Variants in XPC observed in about 807,000 individuals in gnomAD.
XPC encodes DNA repair protein complementing XP-C cells.
A neutral mutation model predicts 95.8 loss-of-function variants in XPC; 76 were observed. The observed-to-expected ratio is 0.79, with a 90% CI of 0.66 to 0.96. The LOEUF is 0.96. Ranked by LOEUF, XPC falls within the 40% of genes least tolerant of loss-of-function variation. The pLI, the probability that XPC is intolerant of heterozygous loss-of-function variation, is 0.00. For missense variants in XPC, 1,146 were observed against 1,179.8 expected (o/e 0.97, Z 0.42); for synonymous variants, 442 against 442.1 (o/e 1.00, Z 0.00).
chr3:14,163,468 A>G (rs1323162594), intron 7 of XPC, among the ~76,000 whole-genome samples: 1 of 152,244 alleles, frequency 6.6e-6, no homozygotes, highest in East Asian at 1.9e-4. Context: ...TGAATCTTGA[A>G]AACATTATAC....
chr3:14,145,684 G>C lies in XPC; in HGVS notation c.*257C>G. The C allele has an allele frequency of 1.4e-6, 1 of 699,562 alleles. No homozygotes were observed. The highest frequency in any genetic ancestry group is 2.6e-6 in the Non-Finnish European group (1 of 384,980). 43.3% of individuals were successfully genotyped at this position (699,562 alleles called of 1,614,324 possible). Reference sequence around the variant, plus strand: ...AGCAAAGTGTTCTGTAGCTCAAAGGGTGAGTGGGCTTTGGTAGCAAAAAGC... The same window carrying C: ...AGCAAAGTGTTCTGTAGCTCAAAGGCTGAGTGGGCTTTGGTAGCAAAAAGC... On this transcript the variant is annotated 3_prime_UTR_variant, in exon 16 of 16. Transcript: ENST00000285021.
intron 6 of XPC, among the ~76,000 whole-genome samples, chr3:14,165,218 T>C (rs1696327082): frequency 6.6e-6 from 1 of 152,126 alleles, no homozygotes; most frequent in Non-Finnish European, 1.5e-5. Flanking sequence ...CATCCTGTAA[T>C]TACCTGGTAT....
rs777782600 is a variant in XPC at position 14,156,470 on chromosome 3, G to C, written c.1898C>G (p.Pro633Arg). The part of the protein sequence containing the change: ...LEFQAKHMDQ[P>R]LPTAIGLYKN... ...ATATAAGCCAATGGCAGTGGGCAAA[G>C]GCTGGTCCATGTGTTTAGCCTGAAA... is the stretch of plus-strand genomic sequence containing the variant. The change falls in exon 10 of 16, where the codon CCT becomes CGT. Residue 633 changes from proline (P) to arginine (R), a missense_variant. By Grantham distance (103) the Pro-to-Arg change is moderately radical. Coordinates refer to ENST00000285021, the MANE Select transcript of XPC (RefSeq NM_004628.5). 6.2e-7 allele frequency: 1 copy of C among 1,614,030 alleles called. No homozygotes were observed. Among genetic ancestry groups the C allele is most frequent in the Non-Finnish European group, 8.5e-7 (1 of 1,179,878 alleles).
intron 2 of XPC, 170 bp from the exon 3 acceptor site, chr3:14,170,720 A>T: frequency 7.9e-6 from 4 of 505,596 alleles, no homozygotes; most frequent in Non-Finnish European, 1.4e-5. Flanking sequence ...ATGTGTTCCA[A>T]ATCTCATCAA....
At chr3:14,156,194 C>T (rs944300861) in intron 10 of XPC, 141 bp downstream of exon 10, 2 of 1,061,708 alleles carry the variant, frequency 1.9e-6, no homozygotes, top group Non-Finnish European at 2.7e-6. Context: ...ACATCACACA[C>T]ACACAGCACA....
chr3:14,158,892 C>A lies in XPC; in HGVS notation c.991G>T (p.Gly331Ter). 2 of 1,613,848 alleles carry A rather than the reference C, an allele frequency of 1.2e-6. No homozygotes were observed. The highest frequency in any genetic ancestry group is 1.7e-6 in the Non-Finnish European group (2 of 1,179,880). The change falls in exon 9 of 16, where the codon GGA becomes TGA. Residue 331 changes from glycine (G) to a stop codon, truncating the protein, a stop_gained and splice_region_variant. Coordinates refer to ENST00000285021, the MANE Select transcript of XPC (RefSeq NM_004628.5). LOFTEE classifies it high-confidence loss of function. This position sits in a 1 kb window ranked among gnomAD's most constrained non-coding sequence, Gnocchi z 5.2. ...PIPLKSATAKGKKPSKERLTA... is the reference protein window; with the variant it reads ...PIPLKSATAK ...AATCTTTCCTTGGAAGGTTTCTTTC[C>A]CTTAAACAGAATAAGAAATTTTGCT...
intron 15 of XPC, 147 bp from the exon 16 acceptor site, chr3:14,146,306 C>G: frequency 1.4e-6 from 1 of 738,796 alleles, no homozygotes; most frequent in Non-Finnish European, 2.2e-6. Flanking sequence ...AGGGAGAGAG[C>G]CCAGACCCTT....
At chr3:14,173,188 C>T (rs973531558) in intron 1 of XPC, 126 bp from the exon 2 acceptor site, 3 of 908,156 alleles carry the variant, frequency 3.3e-6, no homozygotes, top group Non-Finnish European at 4.7e-6. Context: ...ACTGGTTCAC[C>T]ATCCCCTGTC....
At chr3:14,167,909 T>C (rs1696449733) in intron 4 of XPC, among the ~76,000 whole-genome samples, 1 of 152,146 alleles carries the variant, frequency 6.6e-6, no homozygotes, top group South Asian at 2.1e-4. Flanking sequence ...AAGGATTAGG[T>C]CTCAGCTCTT....
rs762726340 is a variant in XPC, at chr3:14,158,751, T to C, written c.1132A>G (p.Arg378Gly). 1.2e-6 allele frequency: 2 copies of C among 1,613,956 alleles called. No individual in the cohort carries two copies. Among genetic ancestry groups the C allele is most frequent in the Non-Finnish European group, 1.7e-6 (2 of 1,179,888 alleles). The change falls in exon 9 of 16, where the codon AGG (arginine) becomes GGG (glycine). Residue 378 changes from arginine to glycine, a missense_variant. Physicochemically the swap from Arg to Gly is moderately radical, Grantham distance 125 (BLOSUM62 -2). Coordinates refer to ENST00000285021, the MANE Select transcript of XPC (RefSeq NM_004628.5). The surrounding 1 kb of genome is among the most constrained non-coding windows in gnomAD (Gnocchi z 5.2). ...TTCCTCTTCCCTTTGGCACTTGGCC[T>C]GCAGGTGCCCTTAGCAAAGGTTTCC... ...QEETFAKGTCRPSAKGKRNKG... is the reference protein window; with the variant it reads ...QEETFAKGTCGPSAKGKRNKG...
In XPC at chr3:14,147,562, A is replaced by G. The variant is rs2125007554; in HGVS notation, c.2515-183T>C. The G allele has an allele frequency of 1.1e-5, 7 of 645,422 alleles. No individual in the cohort carries two copies. In the South Asian group the frequency reaches 1.2e-4, roughly 11 times the overall value. 40.0% of individuals were successfully genotyped at this position (645,422 alleles called of 1,614,324 possible). ...TTTACAAAGTGATATACTATACCTGAAAGCCACAAAAACAGATAACTTTTT... is the reference window on the plus strand; with the variant it reads ...TTTACAAAGTGATATACTATACCTGGAAGCCACAAAAACAGATAACTTTTT... On this transcript the variant is annotated intron_variant, in intron 14 of 15. Transcript: ENST00000285021.
At chr3:14,147,147 C>T (rs1241599049) in intron 15 of XPC, 143 bp downstream of exon 15, 9 of 868,566 alleles carry the variant, frequency 1.0e-5, no homozygotes, top group Non-Finnish European at 3.6e-6. Context: ...AACAAGCGGC[C>T]TTAGAGACAG....
intron 14 of XPC, 76 bp downstream of exon 14, chr3:14,147,832 C>T (rs909098345): frequency 3.7e-6 from 5 of 1,357,564 alleles, no homozygotes; most frequent in African/African-American, 1.4e-5. Context: ...ACGGAGGCGG[C>T]CTGGGGAAGG....
At chr3:14,153,472 GT>G (rs1325463748) in intron 10 of XPC, 1 of 152,408 alleles carries the variant, frequency 6.6e-6, no homozygotes, top group East Asian at 1.9e-4. Flanking sequence ...TAGGCTTTGT[GT>G]TAGACAGCTT....
At chr3:14,159,676 AT>A in intron 8 of XPC, 64 bp downstream of exon 8, 3 of 1,449,410 alleles carry the variant, frequency 2.1e-6, no homozygotes, top group Admixed American at 2.0e-5. Context: ...ATAATGATCA[AT>A]TTTTTTAAGT....
At chr3:14,164,542 T>A in intron 7 of XPC, 1 of 317,916 alleles carries the variant, frequency 3.1e-6, no homozygotes, top group East Asian at 5.8e-5. Flanking sequence ...AACTACGGGC[T>A]TTTTGGTACA....
chr3:14,175,908 C>T (rs762822947), intron 1 of XPC, among the ~76,000 whole-genome samples: 26 of 152,316 alleles, frequency 1.7e-4, no homozygotes, highest in African/African-American at 3.4e-4. Context: ...CTGGAAGCTG[C>T]CTTGGGAACT....
At chr3:14,165,729 G>A in intron 5 of XPC, 144 bp from the exon 6 acceptor site, 3 of 917,312 alleles carry the variant, frequency 3.3e-6, no homozygotes, top group Non-Finnish European at 4.9e-6. Context: ...CACTAGCATT[G>A]GCCACTTCCC....
intron 4 of XPC, among the ~76,000 whole-genome samples, chr3:14,167,800 G>A (rs570863339): frequency 2.8e-4 from 42 of 152,098 alleles, no homozygotes; most frequent in Non-Finnish European, 4.9e-4. Context: ...GAGGTACTCC[G>A]GGATGCTGGG....
Sources: allele counts gnomAD v4.1 joint callset (sites outside exome capture counted in the v4.1 genomes callset), GRCh38; gene constraint gnomAD v4.1.1; non-coding constraint Gnocchi (gnomAD v3.1); transcripts MANE v1.5; gene names NCBI Gene and HGNC (gene_info 2026-07-23, HGNC 2026-07-21).